Variants in KLB observed in about 807,000 individuals in gnomAD.
KLB encodes klotho beta.
Under a neutral mutation model 88.4 loss-of-function variants are expected in KLB, and 44 were observed. That is an observed-to-expected ratio of 0.50 (90% CI 0.39 to 0.64). The LOEUF (loss-of-function observed/expected upper bound fraction) is 0.64, where lower values mean the gene tolerates loss of function less well. Among genes scored for constraint, KLB ranks in the 30% least tolerant of loss-of-function variants. KLB has a pLI of 0.00. For synonymous variants in KLB, 548 were observed against 513.4 expected (o/e 1.07, Z -0.91); for missense variants, 1,137 against 1,304.8 (o/e 0.87, Z 1.98).
At chr4:39,423,833 G>C (rs1743139702) in intron 1 of KLB, among the ~76,000 whole-genome samples, 1 of 151,532 alleles carries the variant, frequency 6.6e-6, no homozygotes, top group Non-Finnish European at 1.5e-5. Flanking sequence ...TACAATAGTG[G>C]GGAAGGATCT....
Position 39,416,529 on chromosome 4 carries a change from C to T in KLB, c.825+8755C>T, listed in dbSNP as rs1466607263. On this transcript the variant is annotated intron_variant, in intron 1 of 4. Coordinates refer to ENST00000257408, the MANE Select transcript of KLB (RefSeq NM_175737.4). ...AGTGCAGTGACTCATGCCGGTAATC[C>T]CAACACTTTGGGAGGCTGAGGCAGG... Among the ~76,000 whole-genome samples, 4 of 151,974 alleles carry T rather than the reference C, an allele frequency of 2.6e-5. No homozygotes were observed. In the East Asian group the frequency reaches 7.7e-4, roughly 29 times the overall value.
At chr4:39,418,841 G>A (rs1743016778) in intron 1 of KLB, among the ~76,000 whole-genome samples, 1 of 151,156 alleles carries the variant, frequency 6.6e-6, no homozygotes, top group Admixed American at 6.6e-5. Flanking sequence ...CCAGCTACTT[G>A]TGAGGCTGAG....
chr4:39,448,069 GATT>G (rs1392607492), intron 4 of KLB, among the ~76,000 whole-genome samples: 2 of 152,098 alleles, frequency 1.3e-5, no homozygotes, highest in South Asian at 2.1e-4. Context: ...AGAGTTTTTG[GATT>G]ATTTATGGAT....
intron 1 of KLB, among the ~76,000 whole-genome samples, chr4:39,412,489 G>GCA (rs1445524742): frequency 2.0e-5 from 3 of 151,932 alleles, no homozygotes; most frequent in Non-Finnish European, 4.4e-5. Context: ...CCATCCTCTT[G>GCA]CACTTCATAT....
chr4:39,446,840 G>A lies in KLB; in HGVS notation c.2114G>A (p.Gly705Asp), dbSNP rs759759229. The A allele has an allele frequency of 6.2e-7, 1 of 1,612,392 alleles. No individual in the cohort carries two copies. The highest frequency in any genetic ancestry group is 1.1e-5 in the South Asian group (1 of 91,032). The change falls in exon 4 of 5, where the codon GGC becomes GAC. Residue 705 changes from glycine to aspartate, a missense_variant. By Grantham distance (94) the Gly-to-Asp change is moderately conservative (BLOSUM62 -1). Around this residue, in one of 4 missense-constraint regions of KLB, gnomAD observed 597 missense variants for 765.2 expected, o/e 0.78. Coordinates refer to ENST00000257408, the MANE Select transcript of KLB (RefSeq NM_175737.4). This position sits in a 1 kb window ranked among gnomAD's most constrained non-coding sequence, Gnocchi z 6.4. ...NRLSDIYNRS[G>D]NDTYGAAHNL... is the part of the protein sequence containing the mutation. ...CTAAGTGACATCTACAACCGCTCTG[G>A]CAACGACACCTACGGGGCGGCGCAC...
intron 4 of KLB, 149 bp from the exon 5 acceptor site, chr4:39,448,152 A>G (rs1743802658): frequency 1.7e-6 from 1 of 596,618 alleles, no homozygotes; most frequent in Non-Finnish European, 2.9e-6. Flanking sequence ...ATAGATCATA[A>G]AAGAATAAAT....
rs559950864 is a variant in KLB at position 39,448,165 on chromosome 4, C to CA, written c.2750-128dup. On this transcript the variant is annotated intron_variant, in intron 4 of 4. Coordinates refer to ENST00000257408, the MANE Select transcript of KLB (RefSeq NM_175737.4). The stretch of plus-strand genomic sequence containing the variant: ...ACATAGATCATAAAAGAATAAATGT[C>CA]AAAAAAAACCCTCTAATAAAAATCA... The CA allele has an allele frequency of 9.0e-4, 558 of 617,866 alleles. 1 individual carries two copies. The highest frequency in any genetic ancestry group is 3.1e-3 in the Middle Eastern group (7 of 2,230). 38.3% of individuals were successfully genotyped at this position (617,866 alleles called of 1,614,324 possible).
intron 1 of KLB, among the ~76,000 whole-genome samples, chr4:39,420,312 T>C (rs1743053872): frequency 6.6e-6 from 1 of 152,212 alleles, no homozygotes; most frequent in Non-Finnish European, 1.5e-5. Flanking sequence ...ATGTTAATCA[T>C]GTATAATACA....
intron 1 of KLB, among the ~76,000 whole-genome samples, chr4:39,412,764 A>G (rs1742881818): frequency 6.6e-6 from 1 of 152,174 alleles, no homozygotes; most frequent in Non-Finnish European, 1.5e-5. Flanking sequence ...AGGAGAGACA[A>G]TTTTTAAATT....
chr4:39,417,893 T>A (rs1240459037), intron 1 of KLB, among the ~76,000 whole-genome samples: 2 of 152,204 alleles, frequency 1.3e-5, no homozygotes, highest in African/African-American at 4.8e-5. Context: ...AGAGGATAAG[T>A]ATCAAAGCCA....
rs1743866905 is a variant in KLB at position 39,450,453 on chromosome 4, AAATAC to A, written c.*1771_*1775del. 1 of 152,198 alleles carries A rather than the reference AAATAC, an allele frequency of 6.6e-6. No individual in the cohort carries two copies. The highest frequency in any genetic ancestry group is 1.9e-4 in the East Asian group (1 of 5,202). 9.4% of individuals were successfully genotyped at this position (152,198 alleles called of 1,614,324 possible). On this transcript the variant is annotated 3_prime_UTR_variant, in exon 5 of 5. Transcript: ENST00000257408. Reference sequence around the variant, plus strand: ...TGAACAAGTTTCCAAAATACTGTAAAAATACAATTAGTCAATTTGAGTAAATGCAA... The same window carrying A: ...TGAACAAGTTTCCAAAATACTGTAAAAATTAGTCAATTTGAGTAAATGCAA...
chr4:39,438,368 G>C (rs1176381976), intron 3 of KLB, among the ~76,000 whole-genome samples: 1 of 152,172 alleles, frequency 6.6e-6, no homozygotes, highest in Non-Finnish European at 1.5e-5. Context: ...GCAGCACCTT[G>C]TTTAACTGAT....
chr4:39,448,663 AAAGGC>A lies in KLB; in HGVS notation c.3116_3120del (p.Gly1039GlufsTer4). 6.2e-7 allele frequency: 1 copy of A among 1,610,798 alleles called. No homozygotes were observed. Among genetic ancestry groups the A allele is most frequent in the Non-Finnish European group, 8.5e-7 (1 of 1,179,738 alleles). On this transcript the variant is annotated frameshift_variant, in exon 5 of 5. Coordinates refer to ENST00000257408, the MANE Select transcript of KLB (RefSeq NM_175737.4). LOFTEE classifies it high-confidence loss of function. ...AAACTTACAACACATACCATTAAAG[AAAGGC>A]AAGAGAGTTGTTAGCTAAACTGATC...
chr4:39,434,181 C>T, intron 1 of KLB, 29 bp from the exon 2 acceptor site: 1 of 1,571,046 alleles, frequency 6.4e-7, no homozygotes, highest in Non-Finnish European at 8.6e-7. Flanking sequence ...GTGAGGACAA[C>T]AAAGATCAAT....
intron 1 of KLB, among the ~76,000 whole-genome samples, chr4:39,416,567 C>G (rs1233474748): frequency 6.6e-6 from 1 of 152,006 alleles, no homozygotes; most frequent in Non-Finnish European, 1.5e-5. Context: ...GATTGCTTGA[C>G]TCCAGGAGTT....
Position 39,424,052 on chromosome 4 carries a change from ATTATGATAG to A in KLB, c.826-10153_826-10145del, listed in dbSNP as rs1429949025. On this transcript the variant is annotated intron_variant, in intron 1 of 4. Coordinates refer to ENST00000257408, the MANE Select transcript of KLB (RefSeq NM_175737.4). Reference sequence around the variant, plus strand: ...TAGAATGAGAAAAACATCACAATAAATTATGATAGTTATTTTTTGTTTTTGTTTTTGTTT... The same window carrying A: ...TAGAATGAGAAAAACATCACAATAAATTATTTTTTGTTTTTGTTTTTGTTT... Among the ~76,000 whole-genome samples, 3 of 151,754 alleles carry A rather than the reference ATTATGATAG, an allele frequency of 2.0e-5. No homozygotes were observed. The East Asian group carries it at 5.8e-4, about 29-fold the overall frequency.
rs773979346 is a variant in KLB at position 39,446,671 on chromosome 4, C to G, written c.1945C>G (p.Leu649Val). 1 of 1,612,110 alleles carries G rather than the reference C, an allele frequency of 6.2e-7. No individual in the cohort carries two copies. The highest frequency in any genetic ancestry group is 8.5e-7 in the Non-Finnish European group (1 of 1,179,050). The change falls in exon 4 of 5, where the codon CTA (leucine) becomes GTA (valine). Residue 649 changes from leucine (L) to valine (V), a missense_variant. This residue lies in a region of KLB where 597 missense variants were observed against 765.2 expected (regional missense o/e 0.78). Coordinates refer to ENST00000257408, the MANE Select transcript of KLB (RefSeq NM_175737.4). This position sits in a 1 kb window ranked among gnomAD's most constrained non-coding sequence, Gnocchi z 6.4. Reference sequence around the variant, plus strand: ...CCTGTATTATCCGACCCACGCCCACCTAGGCCTCCCCGAGCCTCTGTTGCA... The same window carrying G: ...CCTGTATTATCCGACCCACGCCCACGTAGGCCTCCCCGAGCCTCTGTTGCA... ...VTLYYPTHAHLGLPEPLLHAD... is the reference protein window; with the variant it reads ...VTLYYPTHAHVGLPEPLLHAD...
intron 1 of KLB, among the ~76,000 whole-genome samples, chr4:39,419,401 T>G (rs2109824524): frequency 6.9e-6 from 1 of 145,236 alleles, no homozygotes; most frequent in East Asian, 2.1e-4. Flanking sequence ...TGAGGGAAAC[T>G]TTACATGACT....
chr4:39,418,467 G>C (rs2109823730), intron 1 of KLB, among the ~76,000 whole-genome samples: 1 of 151,870 alleles, frequency 6.6e-6, no homozygotes, highest in African/African-American at 2.4e-5. Flanking sequence ...TTGAACTCCT[G>C]ACCTCAAATG....
Sources: gnomAD v4.1 joint callset for allele counts (sites outside exome capture counted in the v4.1 genomes callset) on GRCh38, gnomAD v4.1.1 for gene constraint, gnomAD v4.1.1 regional missense constraint, Gnocchi (gnomAD v3.1) non-coding constraint, MANE v1.5 for transcripts, NCBI Gene and HGNC (gene_info 2026-07-23, HGNC 2026-07-21) for gene names.